The following DMXL2 variants were observed in gnomAD, a reference collection of about 807,000 sequenced individuals.
DMXL2 encodes Dmx like 2.
Under a neutral mutation model 331.1 loss-of-function variants are expected in DMXL2, and 103 were observed. The observed-to-expected ratio is 0.31, with a 90% CI of 0.27 to 0.37. DMXL2 has a LOEUF of 0.37. DMXL2 is among the 10% of genes least tolerant of loss of function. The probability of loss-of-function intolerance (pLI) is 1.00; values close to 1 mark genes in which losing one functional copy is unlikely to be tolerated. For missense variants in DMXL2, 3,171 were observed against 3,642.9 expected (o/e 0.87, Z 3.33); for synonymous variants, 1,281 against 1,252.1 (o/e 1.02, Z -0.49).
intron 20 of DMXL2, among the ~76,000 whole-genome samples, chr15:51,491,215 C>T (rs2042770517): frequency 6.6e-6 from 1 of 152,146 alleles, no homozygotes; most frequent in Non-Finnish European, 1.5e-5. Flanking sequence ...CCGAGGAGGG[C>T]AGATCGCCTG....
At chr15:51,466,979 T>C (rs532496271) in intron 29 of DMXL2, among the ~76,000 whole-genome samples, 141 of 152,076 alleles carry the variant, frequency 9.3e-4, no homozygotes, top group African/African-American at 3.1e-3. Context: ...ACAAAAATCA[T>C]ACACGTATAA....
chr15:51,465,023 A>G, intron 31 of DMXL2, 147 bp from the exon 32 acceptor site: 1 of 746,702 alleles, frequency 1.3e-6, no homozygotes, highest in Non-Finnish European at 2.1e-6. Context: ...TAGATTCTTA[A>G]TGCTTTCAAC....
chr15:51,611,829 G>A (rs778360024), intron 1 of DMXL2, among the ~76,000 whole-genome samples: 2 of 152,132 alleles, frequency 1.3e-5, no homozygotes, highest in Admixed American at 6.5e-5. Context: ...CCAATCAGCA[G>A]GATCCTAAAA....
intron 1 of DMXL2, among the ~76,000 whole-genome samples, chr15:51,610,725 G>A (rs1008719390): frequency 4.0e-5 from 6 of 150,348 alleles, no homozygotes; most frequent in Non-Finnish European, 7.4e-5. Flanking sequence ...CCGAGATCGC[G>A]CCACTGCACT....
At chr15:51,532,567 G>A (rs562662083) in intron 13 of DMXL2, among the ~76,000 whole-genome samples, 24 of 152,156 alleles carry the variant, frequency 1.6e-4, no homozygotes, top group South Asian at 8.3e-4. Context: ...AAATGTATGC[G>A]GTGATAGATA....
intron 1 of DMXL2, among the ~76,000 whole-genome samples, chr15:51,609,799 C>A (rs2053834262): frequency 2.0e-5 from 3 of 152,044 alleles, no homozygotes; most frequent in Admixed American, 2.0e-4. Flanking sequence ...CATGGTGGTA[C>A]ATGCCTGTAA....
chr15:51,483,560 G>A (rs914795891), intron 23 of DMXL2, among the ~76,000 whole-genome samples: 2 of 152,152 alleles, frequency 1.3e-5, no homozygotes, highest in African/African-American at 2.4e-5. Flanking sequence ...CCCCCAAATG[G>A]GAGAGGTCTC....
intron 41 of DMXL2, 131 bp downstream of exon 41, chr15:51,453,419 A>T: frequency 1.7e-6 from 1 of 585,520 alleles, no homozygotes; most frequent in African/African-American, 1.9e-5. Context: ...CTCTGAAATA[A>T]GAATTATGTA....
Position 51,500,227 on chromosome 15 carries a change from A to G in DMXL2, c.2997T>C (p.His999=). 1 of 1,586,466 alleles carries G rather than the reference A, an allele frequency of 6.3e-7. No individual in the cohort carries two copies. Among genetic ancestry groups the G allele is most frequent in the Non-Finnish European group, 8.5e-7 (1 of 1,169,828 alleles). The change falls in exon 18 of 44, where the codon CAT becomes CAC. Residue 999 remains histidine (H), a synonymous_variant. Transcript: ENST00000560891. ...CTGGATAAATTGAAGAAGAACTCAG[A>G]TGGCCTTAAAAAAGAAAAAGCAAAT... is the stretch of plus-strand genomic sequence containing the variant. ...EVIRATPSAG[H]LSSSSIYPVC...
intron 6 of DMXL2, among the ~76,000 whole-genome samples, chr15:51,558,508 C>T (rs896008065): frequency 2.9e-4 from 44 of 152,274 alleles, no homozygotes; most frequent in Admixed American, 1.1e-3. Flanking sequence ...TTTCATATCA[C>T]ATGACAGTTA....
rs1365719488 is a variant in DMXL2, at chr15:51,451,729, C to G, written c.8697-32G>C. ...AAGAAACACAATAACAAAAATACAT[C>G]ATAAATGATTGTTATAAGTCGTCAT... On this transcript the variant is annotated intron_variant, in intron 41 of 43. Transcript: ENST00000560891. 2.6e-6 allele frequency: 4 copies of G among 1,566,972 alleles called. No homozygotes were observed. The African/African-American group carries it at 4.1e-5, about 16-fold the overall frequency.
intron 29 of DMXL2, among the ~76,000 whole-genome samples, chr15:51,468,289 T>C (rs1014342284): frequency 2.3e-4 from 35 of 152,132 alleles, no homozygotes; most frequent in Admixed American, 7.9e-4. Flanking sequence ...GCAGGAAATA[T>C]ACATGATTAG....
At chr15:51,598,473 T>C (rs2052993054) in intron 1 of DMXL2, among the ~76,000 whole-genome samples, 1 of 152,188 alleles carries the variant, frequency 6.6e-6, no homozygotes, top group African/African-American at 2.4e-5. Context: ...AGAGCTTAGA[T>C]TTCTTGAACT....
rs2051867681 is a variant in DMXL2, at chr15:51,586,860, G to T, written c.88-10679C>A. On this transcript the variant is annotated intron_variant, in intron 1 of 43. Coordinates refer to ENST00000560891, the MANE Select transcript of DMXL2 (RefSeq NM_001378457.1). ...AGCTTGCCTGCATTCTCAATAAAAGGTAGATCCGGAAGTGGAAATCAAAAA... is the reference window on the plus strand; with the variant it reads ...AGCTTGCCTGCATTCTCAATAAAAGTTAGATCCGGAAGTGGAAATCAAAAA... 2.6e-5 allele frequency among the ~76,000 whole-genome samples: 4 copies of T among 151,996 alleles called. No homozygotes were observed. The South Asian group carries it at 6.2e-4, about 24-fold the overall frequency.
intron 15 of DMXL2, among the ~76,000 whole-genome samples, chr15:51,507,651 A>T (rs1269156020): frequency 6.6e-6 from 1 of 152,146 alleles, no homozygotes; most frequent in Non-Finnish European, 1.5e-5. Flanking sequence ...AGGAGGATAG[A>T]AGGGAAGGAA....
Position 51,622,572 on chromosome 15 carries a change from C to A in DMXL2, c.-27G>T. ...TCCGGAGCCCGGGCTGGACAGAATG[C>A]GCGGGAGGTGCGACAAGCTCCGCGC... On this transcript the variant is annotated 5_prime_UTR_variant, in exon 1 of 44. Transcript: ENST00000560891. 6.5e-7 allele frequency: 1 copy of A among 1,539,280 alleles called. No homozygotes were observed. Among genetic ancestry groups the A allele is most frequent in the East Asian group, 2.5e-5 (1 of 39,780 alleles).
chr15:51,450,156 G>A lies in DMXL2; in HGVS notation c.8940C>T (p.Thr2980=), dbSNP rs538594123. The A allele has an allele frequency of 6.2e-7, 1 of 1,613,868 alleles. No individual in the cohort carries two copies. The highest frequency in any genetic ancestry group is 8.5e-7 in the Non-Finnish European group (1 of 1,179,960). ...LALDPYEEYF[T]TGSAEGNIKV... ...TTATGTTACCTTCTGCTGAACCTGT[G>A]GTAAAATATTCCTCATAGGGATCCA... is the stretch of plus-strand genomic sequence containing the variant. The change falls in exon 43 of 44, where the codon ACC becomes ACT. Residue 2980 remains threonine, a synonymous_variant. Coordinates refer to ENST00000560891, the MANE Select transcript of DMXL2 (RefSeq NM_001378457.1).
chr15:51,613,060 C>G (rs2054079866), intron 1 of DMXL2, among the ~76,000 whole-genome samples: 1 of 152,228 alleles, frequency 6.6e-6, no homozygotes, highest in Non-Finnish European at 1.5e-5. Flanking sequence ...AAGGTTATCT[C>G]CCTTGTTCCC....
chr15:51,602,914 C>T (rs2053329069), intron 1 of DMXL2, among the ~76,000 whole-genome samples: 1 of 152,116 alleles, frequency 6.6e-6, no homozygotes, highest in Middle Eastern at 3.2e-3. Flanking sequence ...CAAAATTACT[C>T]ATATAAAGAA....
Sources: allele counts gnomAD v4.1 joint callset (sites outside exome capture counted in the v4.1 genomes callset), GRCh38; gene constraint gnomAD v4.1.1; transcripts MANE v1.5; gene names NCBI Gene and HGNC (gene_info 2026-07-23, HGNC 2026-07-21).